ACYP2: variants seen among roughly 807,000 people sequenced by gnomAD.
ACYP2 encodes the protein acylphosphatase 2, also known as acylphosphatase-2.
ACYP2 carries 12 observed loss-of-function variants against 11.2 expected under a neutral mutation model. That is an observed-to-expected ratio of 1.08 (90% CI 0.69 to 1.74). The LOEUF is 1.74. ACYP2 is among the 40% of genes most tolerant of loss of function. The probability of loss-of-function intolerance (pLI) is 0.00; values close to 1 mark genes in which losing one functional copy is unlikely to be tolerated. For synonymous variants in ACYP2, 43 were observed against 32.2 expected (o/e 1.33, Z -1.13); for missense variants, 134 against 101.9 (o/e 1.31, Z -1.35).
At chr2:54,267,330 GAA>G in intron 6 of ACYP2, 2 of 1,548,924 alleles carry the variant, frequency 1.3e-6, no homozygotes, top group Middle Eastern at 3.3e-4. Context: ...GTGAAGAAAA[GAA>G]ACAAGATAGG....
Position 54,000,293 on chromosome 2 carries a change from A to C in ACYP2, c.62+26483A>C, listed in dbSNP as rs545783376. Reference sequence around the variant, plus strand: ...AAAAAGTATGTCCCCAGAGCCTGTTAATTGGTGTTGCCAAATACCAGGTCA... The same window carrying C: ...AAAAAGTATGTCCCCAGAGCCTGTTCATTGGTGTTGCCAAATACCAGGTCA... On this transcript the variant is annotated intron_variant, in intron 2 of 6. Transcript: ENST00000607452. 4.6e-5 allele frequency among the ~76,000 whole-genome samples: 7 copies of C among 152,222 alleles called. No homozygotes were observed. The South Asian group carries it at 1.2e-3, about 27-fold the overall frequency.
At chr2:54,115,083 T>G (rs1443468596) in intron 4 of ACYP2, among the ~76,000 whole-genome samples, 1 of 152,096 alleles carries the variant, frequency 6.6e-6, no homozygotes, top group African/African-American at 2.4e-5. Flanking sequence ...GGTACAAAGT[T>G]TCAGTTAGTG....
intron 6 of ACYP2, among the ~76,000 whole-genome samples, chr2:54,145,078 T>G (rs975347191): frequency 3.3e-5 from 5 of 152,188 alleles, no homozygotes; most frequent in Non-Finnish European, 5.9e-5. Context: ...AGTTTGTAAT[T>G]TCATTTTTTA....
chr2:54,173,480 C>T (rs1049372786), intron 6 of ACYP2, among the ~76,000 whole-genome samples: 2 of 152,094 alleles, frequency 1.3e-5, no homozygotes, highest in Non-Finnish European at 2.9e-5. Flanking sequence ...AATTTTCTCC[C>T]GTTCTGTAGG....
intron 6 of ACYP2, among the ~76,000 whole-genome samples, chr2:54,173,095 A>G (rs950112877): frequency 2.0e-5 from 3 of 152,192 alleles, no homozygotes; most frequent in Non-Finnish European, 2.9e-5. Context: ...TGGTATTTCT[A>G]CTTCCAGGTC....
At chr2:54,257,072 T>C (rs1203368393) in intron 6 of ACYP2, among the ~76,000 whole-genome samples, 1 of 152,160 alleles carries the variant, frequency 6.6e-6, no homozygotes, top group East Asian at 1.9e-4. Flanking sequence ...TTCTGCTCTG[T>C]TTAAGAAATC....
intron 2 of ACYP2, among the ~76,000 whole-genome samples, chr2:53,998,393 A>G (rs183008725): frequency 1.6e-3 from 238 of 152,306 alleles, no homozygotes; most frequent in African/African-American, 5.5e-3. Context: ...TGGATGGGAG[A>G]TACTTGAGCA....
At position 54,053,252 on chromosome 2, in the gene ACYP2, C is replaced by G. The variant is rs1184690458; in HGVS notation, c.155+2202C>G. On this transcript the variant is annotated intron_variant, in intron 3 of 6. Transcript: ENST00000607452. ...GCTTTCACCCTGTCCTATATTGCTG[C>G]TCTGCATAGGCATGCTGGGGGCCCC... Among the ~76,000 whole-genome samples the G allele has an allele frequency of 5.9e-5, 9 of 152,132 alleles. No homozygotes were observed. In the South Asian group the frequency reaches 1.4e-3, roughly 25 times the overall value.
intron 2 of ACYP2, among the ~76,000 whole-genome samples, chr2:54,042,591 T>A (rs988241268): frequency 1.3e-5 from 2 of 152,246 alleles, no homozygotes; most frequent in African/African-American, 4.8e-5. Context: ...AACTTTTTTT[T>A]ATTTTTCTTT....
At chr2:54,183,142 C>T (rs1360144252) in intron 6 of ACYP2, among the ~76,000 whole-genome samples, 3 of 152,144 alleles carry the variant, frequency 2.0e-5, no homozygotes, top group Non-Finnish European at 4.4e-5. Flanking sequence ...CTAAACCTTT[C>T]ATGACTTATA....
intron 2 of ACYP2, among the ~76,000 whole-genome samples, chr2:54,010,801 T>G (rs1316916160): frequency 7.0e-6 from 1 of 143,058 alleles, no homozygotes; most frequent in Non-Finnish European, 1.5e-5. Flanking sequence ...CCTGAGTAGC[T>G]GGGATTACTG....
At chr2:54,085,432 T>C (rs1056116021) in intron 4 of ACYP2, among the ~76,000 whole-genome samples, 1 of 152,232 alleles carries the variant, frequency 6.6e-6, no homozygotes, top group Non-Finnish European at 1.5e-5. Context: ...CAAATCATTA[T>C]CTTACTAGTT....
At chr2:54,229,044 T>G (rs1686123411) in intron 6 of ACYP2, among the ~76,000 whole-genome samples, 1 of 152,114 alleles carries the variant, frequency 6.6e-6, no homozygotes, top group Admixed American at 6.5e-5. Flanking sequence ...TAAGTCAGGG[T>G]TAATGTAATA....
intron 2 of ACYP2, among the ~76,000 whole-genome samples, chr2:53,986,299 A>G (rs915118540): frequency 1.2e-4 from 18 of 150,794 alleles, no homozygotes; most frequent in Admixed American, 6.6e-4. Flanking sequence ...TTCCCGCACT[A>G]TGCTTCCTGT....
intron 4 of ACYP2, among the ~76,000 whole-genome samples, chr2:54,119,049 G>GTTTTTTT (rs1572796439): frequency 1.1e-5 from 1 of 90,030 alleles, no homozygotes; most frequent in African/African-American, 4.8e-5. Context: ...AATCTTAGTA[G>GTTTTTTT]TCTTTTTTTT....
intron 4 of ACYP2, among the ~76,000 whole-genome samples, chr2:54,118,903 A>G (rs1679975857): frequency 6.6e-6 from 1 of 152,154 alleles, no homozygotes. Flanking sequence ...TCTGTACTCA[A>G]CATTTTACAT....
In ACYP2 at chr2:54,116,436, T is replaced by C. The variant is rs551631211; in HGVS notation, c.278-19017T>C. 9.5e-4 allele frequency among the ~76,000 whole-genome samples: 144 copies of C among 152,236 alleles called. 1 individual carries two copies. The highest frequency in any genetic ancestry group is 1.7e-3 in the Non-Finnish European group (119 of 68,026). On this transcript the variant is annotated intron_variant, in intron 4 of 6. Coordinates refer to ENST00000607452, the MANE Select transcript of ACYP2 (RefSeq NM_001320586.2). ...ACAATGGGAAATTTTACTCATTTCT[T>C]TTCCTCTTTGAATTTGATTTTCATT...
chr2:53,994,329 CAAAAAAA>C (rs374302355), intron 2 of ACYP2, among the ~76,000 whole-genome samples: 6 of 42,870 alleles, frequency 1.4e-4, no homozygotes, highest in South Asian at 1.4e-3. Context: ...GACTCCGTCT[CAAAAAAA>C]AAAAAAAAAA....
In ACYP2 at chr2:54,219,861, G is replaced by GTA. The variant is rs1171256923; in HGVS notation, c.404+81114_404+81115insAT. Among the ~76,000 whole-genome samples the GTA allele has an allele frequency of 8.8e-5, 4 of 45,440 alleles. No homozygotes were observed. The South Asian group carries it at 5.4e-3, about 61-fold the overall frequency. 29.8% of individuals were successfully genotyped at this position (45,440 alleles called of 152,430 possible). ...TGTGTATGTGTGTGTATATAGATGT[G>GTA]TGTGTGTGTGTGTGTGTGTGTATAT... On this transcript the variant is annotated intron_variant, in intron 6 of 6. Coordinates refer to ENST00000607452, the MANE Select transcript of ACYP2 (RefSeq NM_001320586.2).
Sources: gnomAD v4.1 joint callset for allele counts (sites outside exome capture counted in the v4.1 genomes callset) on GRCh38, gnomAD v4.1.1 for gene constraint, MANE v1.5 for transcripts, NCBI Gene and HGNC (gene_info 2026-07-23, HGNC 2026-07-21) for gene names.